The following CNTNAP2 variants were observed in gnomAD, a reference collection of about 807,000 sequenced individuals.
CNTNAP2 encodes contactin associated protein 2.
A neutral mutation model predicts 155.2 loss-of-function variants in CNTNAP2; 98 were observed. That is an observed-to-expected ratio of 0.63 (90% CI 0.54 to 0.75). The LOEUF is 0.75. Among genes scored for constraint, CNTNAP2 ranks in the 30% least tolerant of loss-of-function variants. The pLI is 0.00. For missense variants in CNTNAP2, 1,727 were observed against 1,688.1 expected (o/e 1.02, Z -0.40); for synonymous variants, 651 against 631.2 (o/e 1.03, Z -0.47).
intron 4 of CNTNAP2, among the ~76,000 whole-genome samples, chr7:147,049,441 C>A (rs1270726697): frequency 1.3e-5 from 2 of 152,074 alleles, no homozygotes; most frequent in Non-Finnish European, 2.9e-5. Flanking sequence ...TAGAATGAGT[C>A]CTTAGAAGAT....
intron 3 of CNTNAP2, among the ~76,000 whole-genome samples, chr7:146,917,470 G>A (rs1796417156): frequency 1.3e-5 from 2 of 152,132 alleles, no homozygotes; most frequent in Non-Finnish European, 2.9e-5. Flanking sequence ...AGTAATTGTT[G>A]TATAAATATG....
At chr7:146,256,176 G>A (rs1463600295) in intron 1 of CNTNAP2, among the ~76,000 whole-genome samples, 1 of 152,118 alleles carries the variant, frequency 6.6e-6, no homozygotes, top group Non-Finnish European at 1.5e-5. Context: ...TTTCATTTGT[G>A]CAGCCTCTTG....
At chr7:147,645,632 T>G (rs1795354626) in intron 13 of CNTNAP2, among the ~76,000 whole-genome samples, 2 of 152,222 alleles carry the variant, frequency 1.3e-5, no homozygotes, top group African/African-American at 4.8e-5. Flanking sequence ...AGCAACTATT[T>G]CAACAATATG....
At chr7:147,489,637 A>G (rs1170119105) in intron 11 of CNTNAP2, among the ~76,000 whole-genome samples, 1 of 152,112 alleles carries the variant, frequency 6.6e-6, no homozygotes, top group African/African-American at 2.4e-5. Flanking sequence ...TTGCTTGGAG[A>G]TGGAGTCTTG....
chr7:146,543,313 C>T lies in CNTNAP2; in HGVS notation c.98-230958C>T, dbSNP rs550151029. 5.3e-4 allele frequency among the ~76,000 whole-genome samples: 80 copies of T among 151,852 alleles called. 1 individual carries two copies. Among genetic ancestry groups the T allele is most frequent in the Admixed American group, 1.5e-3 (23 of 15,190 alleles). On this transcript the variant is annotated intron_variant, in intron 1 of 23. Transcript: ENST00000361727. ...ATTTTTTAAATTACATGATGAATTA[C>T]ATATATAAAATGGATAGGTCCATGG...
intron 14 of CNTNAP2, among the ~76,000 whole-genome samples, chr7:147,909,128 G>A (rs1413633212): frequency 6.6e-6 from 1 of 152,154 alleles, no homozygotes; most frequent in Non-Finnish European, 1.5e-5. Context: ...CCTGAAAAAT[G>A]TAAATTACTT....
At chr7:146,824,287 T>A (rs920672668) in intron 2 of CNTNAP2, among the ~76,000 whole-genome samples, 2 of 152,228 alleles carry the variant, frequency 1.3e-5, no homozygotes, top group Admixed American at 6.5e-5. Flanking sequence ...CAGTCTATCA[T>A]TGATGGGCAT....
At chr7:147,894,801 G>T (rs530719760) in intron 13 of CNTNAP2, among the ~76,000 whole-genome samples, 1 of 151,826 alleles carries the variant, frequency 6.6e-6, no homozygotes, top group Admixed American at 6.6e-5. Flanking sequence ...TAGCCCAGAA[G>T]TTCCGAAGAA....
chr7:147,530,666 T>C (rs1799415712), intron 11 of CNTNAP2, among the ~76,000 whole-genome samples: 1 of 152,238 alleles, frequency 6.6e-6, no homozygotes, highest in East Asian at 1.9e-4. Context: ...TTCTGGGAGA[T>C]ACAATTCAAG....
chr7:147,754,889 T>G (rs1158424982), intron 13 of CNTNAP2, among the ~76,000 whole-genome samples: 1 of 152,214 alleles, frequency 6.6e-6, no homozygotes, highest in Non-Finnish European at 1.5e-5. Flanking sequence ...TCAACTCTTT[T>G]GCATGCTTAG....
intron 8 of CNTNAP2, among the ~76,000 whole-genome samples, chr7:147,267,099 G>C (rs570527508): frequency 1.3e-5 from 2 of 152,218 alleles, no homozygotes; most frequent in East Asian, 3.9e-4. Context: ...CAAGATTTCT[G>C]ATTATCAGGA....
intron 2 of CNTNAP2, among the ~76,000 whole-genome samples, chr7:146,790,634 A>T (rs1443598599): frequency 2.0e-5 from 3 of 148,174 alleles, no homozygotes. Flanking sequence ...CAGTGGCGCG[A>T]TCTCAGCTCA....
chr7:146,373,616 G>A (rs556905388), intron 1 of CNTNAP2, among the ~76,000 whole-genome samples: 61 of 151,996 alleles, frequency 4.0e-4, no homozygotes, highest in African/African-American at 1.3e-3. Flanking sequence ...AACTCAAAGC[G>A]TCCAAAATCC....
chr7:147,859,906 A>T (rs1316130631), intron 13 of CNTNAP2, among the ~76,000 whole-genome samples: 2 of 152,222 alleles, frequency 1.3e-5, no homozygotes, highest in African/African-American at 4.8e-5. Context: ...ATATGTATAT[A>T]TGCAATATTA....
At chr7:146,225,520 C>T (rs1346000895) in intron 1 of CNTNAP2, among the ~76,000 whole-genome samples, 1 of 152,146 alleles carries the variant, frequency 6.6e-6, no homozygotes, top group South Asian at 2.1e-4. Flanking sequence ...ACTCAGCATT[C>T]AACTTGGAAA....
At chr7:147,506,324 C>T (rs1423154805) in intron 11 of CNTNAP2, among the ~76,000 whole-genome samples, 5 of 152,180 alleles carry the variant, frequency 3.3e-5, no homozygotes, top group Admixed American at 2.6e-4. Flanking sequence ...GGCGCGATCT[C>T]GGCTCACTGC....
At chr7:147,188,325 G>A (rs1011220445) in intron 8 of CNTNAP2, among the ~76,000 whole-genome samples, 1 of 152,112 alleles carries the variant, frequency 6.6e-6, no homozygotes, top group African/African-American at 2.4e-5. Flanking sequence ...GAAAACAGCA[G>A]CCAGTTGAGA....
At chr7:147,191,781 T>TA (rs987671841) in intron 8 of CNTNAP2, among the ~76,000 whole-genome samples, 9 of 151,942 alleles carry the variant, frequency 5.9e-5, no homozygotes, top group Admixed American at 1.3e-4. Flanking sequence ...CTTCACGAAT[T>TA]AAAAAAAATG....
At chr7:146,343,102 G>C (rs1216926967) in intron 1 of CNTNAP2, among the ~76,000 whole-genome samples, 1 of 149,626 alleles carries the variant, frequency 6.7e-6, no homozygotes, top group Non-Finnish European at 1.5e-5. Flanking sequence ...TTTGTTTTTT[G>C]TTTTCTGCTC....
Sources: allele counts gnomAD v4.1 joint callset (sites outside exome capture counted in the v4.1 genomes callset), GRCh38; gene constraint gnomAD v4.1.1; transcripts MANE v1.5; gene names NCBI Gene and HGNC (gene_info 2026-07-23, HGNC 2026-07-21).